OXR1: variants seen among roughly 807,000 people sequenced by gnomAD.
OXR1 encodes oxidation resistance protein 1.
A neutral mutation model predicts 104.6 loss-of-function variants in OXR1; 41 were observed. The ratio of observed to expected loss-of-function variants is 0.39; its 90% CI spans 0.31 to 0.51. The LOEUF is 0.51. Among genes scored for constraint, OXR1 ranks in the 20% least tolerant of loss-of-function variants. The pLI is 0.77. For missense variants in OXR1, 955 were observed against 1,031.9 expected, an observed-to-expected ratio of 0.93 and a Z score of 1.02; for synonymous variants, 348 against 348.4, an observed-to-expected ratio of 1.00 and a Z score of 0.01.
Position 106,400,855 on chromosome 8 carries a change from G to A in OXR1, c.23+41219G>A, listed in dbSNP as rs573460388. Among the ~76,000 whole-genome samples, 6 of 152,200 alleles carry A rather than the reference G, an allele frequency of 3.9e-5. No homozygotes were observed. The South Asian group carries it at 1.2e-3, about 32-fold the overall frequency. ...GATTATGACAGATAGATACAACTAG[G>A]TATGTGTTTTGGAGGAGTAAATTAT... On this transcript the variant is annotated intron_variant, in intron 2 of 16. Transcript: ENST00000517566.
chr8:106,339,675 C>T (rs972726204), intron 1 of OXR1, among the ~76,000 whole-genome samples: 1 of 150,378 alleles, frequency 6.6e-6, no homozygotes, highest in African/African-American at 2.4e-5. Context: ...CTAAAACATG[C>T]CAAATCCATT....
intron 2 of OXR1, among the ~76,000 whole-genome samples, chr8:106,377,223 G>T (rs1313847391): frequency 6.6e-6 from 1 of 151,772 alleles, no homozygotes; most frequent in Non-Finnish European, 1.5e-5. Context: ...TCCCCCTCTC[G>T]CTCAGGCTAG....
intron 3 of OXR1, among the ~76,000 whole-genome samples, chr8:106,570,404 A>G (rs569839405): frequency 1.3e-5 from 2 of 152,200 alleles, no homozygotes; most frequent in Non-Finnish European, 2.9e-5. Flanking sequence ...TTCACTTTTT[A>G]TGAAGTAACC....
At chr8:106,635,847 C>A (rs1024046018) in intron 3 of OXR1, among the ~76,000 whole-genome samples, 1 of 152,114 alleles carries the variant, frequency 6.6e-6, no homozygotes, top group Non-Finnish European at 1.5e-5. Flanking sequence ...GGATTTTTTA[C>A]AATAGGACAA....
intron 3 of OXR1, among the ~76,000 whole-genome samples, chr8:106,613,202 A>G (rs900614832): frequency 6.6e-6 from 1 of 152,090 alleles, no homozygotes; most frequent in Non-Finnish European, 1.5e-5. Flanking sequence ...GGAAATGAAA[A>G]GGGCTGTTTG....
chr8:106,431,867 A>G (rs1295479919), intron 2 of OXR1, among the ~76,000 whole-genome samples: 1 of 152,238 alleles, frequency 6.6e-6, no homozygotes, highest in East Asian at 1.9e-4. Flanking sequence ...TTGATAACCT[A>G]AAACCCCAAT....
chr8:106,730,317 T>G (rs772510929), intron 11 of OXR1, among the ~76,000 whole-genome samples: 4 of 152,140 alleles, frequency 2.6e-5, no homozygotes, highest in Non-Finnish European at 4.4e-5. Flanking sequence ...AAGTGTATAA[T>G]GACATGTATC....
At chr8:106,403,974 T>C (rs1218141201) in intron 2 of OXR1, among the ~76,000 whole-genome samples, 1 of 151,944 alleles carries the variant, frequency 6.6e-6, no homozygotes, top group African/African-American at 2.4e-5. Flanking sequence ...GAGGGGGAGG[T>C]TCTAAGGAGA....
chr8:106,344,813 C>T lies in OXR1; in HGVS notation c.-138-14663C>T, dbSNP rs531551484. Among the ~76,000 whole-genome samples, 3 of 152,332 alleles carry T rather than the reference C, an allele frequency of 2.0e-5. No individual in the cohort carries two copies. In the East Asian group the frequency reaches 5.8e-4, roughly 29 times the overall value. On this transcript the variant is annotated intron_variant, in intron 1 of 16. Transcript: ENST00000517566. ...CAGTCTTACATCTTACCACATACCC[C>T]TCACATTCATCCTTTATTGTAAAAT...
chr8:106,732,995 A>G (rs752385704), intron 11 of OXR1, among the ~76,000 whole-genome samples: 3 of 152,192 alleles, frequency 2.0e-5, no homozygotes, highest in Non-Finnish European at 4.4e-5. Context: ...CAGTGAGTCT[A>G]TCTGGGCCTT....
chr8:106,525,102 C>G (rs1813557406), intron 3 of OXR1, among the ~76,000 whole-genome samples: 1 of 152,182 alleles, frequency 6.6e-6, no homozygotes. Flanking sequence ...TGCCAAATAA[C>G]TATGGAGGGC....
intron 11 of OXR1, among the ~76,000 whole-genome samples, chr8:106,735,110 A>G (rs1834249082): frequency 6.6e-6 from 1 of 152,122 alleles, no homozygotes; most frequent in Non-Finnish European, 1.5e-5. Flanking sequence ...CAGTTTCCTC[A>G]TATATACTGG....
chr8:106,688,881 G>T (rs1307801532), intron 6 of OXR1, among the ~76,000 whole-genome samples: 1 of 151,996 alleles, frequency 6.6e-6, no homozygotes, highest in Non-Finnish European at 1.5e-5. Context: ...GCAAGTGCAG[G>T]TACTCTATAA....
At chr8:106,430,405 T>C (rs907701054) in intron 2 of OXR1, among the ~76,000 whole-genome samples, 5 of 152,200 alleles carry the variant, frequency 3.3e-5, no homozygotes, top group Non-Finnish European at 7.3e-5. Context: ...TTTATTAATA[T>C]GTTCAAAATG....
intron 2 of OXR1, among the ~76,000 whole-genome samples, chr8:106,499,422 T>C (rs567060936): frequency 7.2e-5 from 11 of 152,316 alleles, no homozygotes; most frequent in African/African-American, 2.6e-4. Flanking sequence ...CCTTCCTCTT[T>C]GTAACCCAAA....
intron 3 of OXR1, among the ~76,000 whole-genome samples, chr8:106,546,008 A>AC (rs397791439): frequency 6.6e-6 from 1 of 151,526 alleles, no homozygotes; most frequent in Non-Finnish European, 1.5e-5. Flanking sequence ...AAAAAAAAAA[A>AC]TTGAATGATG....
intron 4 of OXR1, among the ~76,000 whole-genome samples, chr8:106,679,661 A>G (rs1827954048): frequency 6.6e-6 from 1 of 152,062 alleles, no homozygotes; most frequent in Non-Finnish European, 1.5e-5. Flanking sequence ...GATGGGATAC[A>G]TAAAAGAAAA....
At chr8:106,473,919 T>A (rs1360538372) in intron 2 of OXR1, among the ~76,000 whole-genome samples, 1 of 148,464 alleles carries the variant, frequency 6.7e-6, no homozygotes, top group Non-Finnish European at 1.5e-5. Flanking sequence ...GGATGTCCAA[T>A]TTAAAAGCAA....
intron 3 of OXR1, among the ~76,000 whole-genome samples, chr8:106,567,246 C>T (rs1817149362): frequency 6.6e-6 from 1 of 152,058 alleles, no homozygotes; most frequent in African/African-American, 2.4e-5. Flanking sequence ...TTGCTGTGTA[C>T]ATAGAGATTT....
Sources: allele counts gnomAD v4.1 joint callset (sites outside exome capture counted in the v4.1 genomes callset), GRCh38; gene constraint gnomAD v4.1.1; transcripts MANE v1.5; gene names NCBI Gene and HGNC (gene_info 2026-07-23, HGNC 2026-07-21).